SPP2: variants seen among roughly 807,000 people sequenced by gnomAD.
SPP2 encodes the protein secreted phosphoprotein 2.
A neutral mutation model predicts 28.8 loss-of-function variants in SPP2; 34 were observed. The observed-to-expected ratio is 1.18, with a 90% confidence interval of 0.90 to 1.57. The LOEUF (loss-of-function observed/expected upper bound fraction) is 1.57. Ranked by LOEUF, SPP2 falls within the 40% of genes most tolerant of loss-of-function variation. The pLI is 0.00. For synonymous variants in SPP2, 96 were observed against 89.4 expected, an observed-to-expected ratio of 1.07 and a Z score of -0.42; for missense variants, 269 against 263.9, an observed-to-expected ratio of 1.02 and a Z score of -0.13.
intron 6 of SPP2, among the ~76,000 whole-genome samples, chr2:234,069,039 C>A (rs1047268921): frequency 2.0e-5 from 3 of 152,086 alleles, no homozygotes; most frequent in Non-Finnish European, 4.4e-5. Context: ...GGAGCCACTT[C>A]CAAGCCCACT....
At chr2:234,056,332 T>G (rs936247646) in intron 2 of SPP2, 5 of 152,224 alleles carry the variant, frequency 3.3e-5, no homozygotes, top group African/African-American at 7.2e-5. Flanking sequence ...TCATCATCAC[T>G]GGCCATCAGA....
At chr2:234,053,813 T>C (rs1693548830) in intron 2 of SPP2, among the ~76,000 whole-genome samples, 2 of 151,938 alleles carry the variant, frequency 1.3e-5, no homozygotes. Context: ...AAGGTGGGCA[T>C]TGGCCCTATG....
intron 2 of SPP2, among the ~76,000 whole-genome samples, chr2:234,058,348 T>A (rs939146544): frequency 2.0e-5 from 3 of 152,314 alleles, no homozygotes; most frequent in Non-Finnish European, 4.4e-5. Flanking sequence ...GTTTTCAATA[T>A]GAGAGTTGAA....
intron 4 of SPP2, among the ~76,000 whole-genome samples, chr2:234,064,632 A>G (rs950999621): frequency 2.6e-5 from 4 of 152,222 alleles, no homozygotes; most frequent in Admixed American, 6.5e-5. Flanking sequence ...GGTTTCTAGC[A>G]TATTCACAAC....
At chr2:234,060,567 G>A (rs1693699202) in intron 4 of SPP2, 88 bp downstream of exon 4, 1 of 1,041,100 alleles carries the variant, frequency 9.6e-7, no homozygotes, top group Non-Finnish European at 1.4e-6. Flanking sequence ...CTGGGTAGCT[G>A]GATCATCACC....
chr2:234,056,932 T>G (rs912320542), intron 2 of SPP2, among the ~76,000 whole-genome samples: 1 of 152,034 alleles, frequency 6.6e-6, no homozygotes, highest in African/African-American at 2.4e-5. Context: ...GTTCTGCATG[T>G]GCCTATTATT....
In SPP2 at chr2:234,067,229, A is replaced by G; in HGVS notation, c.505A>G (p.Ile169Val). 1 of 1,613,818 alleles carries G rather than the reference A, an allele frequency of 6.2e-7. No homozygotes were observed. The highest frequency in any genetic ancestry group is 2.2e-5 in the East Asian group (1 of 44,862). The change falls in exon 6 of 8, where the codon ATT becomes GTT. Residue 169 changes from isoleucine to valine, a missense_variant. By Grantham distance (29) the Ile-to-Val change is conservative (BLOSUM62 3). Coordinates refer to ENST00000168148, the MANE Select transcript of SPP2 (RefSeq NM_006944.3). ...KWRNNYLFGL[I>V]SDESISEQFY... The stretch of plus-strand genomic sequence containing the variant: ...TGATTATTACTGTGTTACAGGTCTC[A>G]TTTCAGACGAGTCCATAAGTGAACA...
At chr2:234,064,773 C>T (rs1693785835) in intron 4 of SPP2, among the ~76,000 whole-genome samples, 1 of 152,178 alleles carries the variant, frequency 6.6e-6, no homozygotes, top group Non-Finnish European at 1.5e-5. Context: ...ATGGATTTGT[C>T]CATTCTGATC....
At chr2:234,051,224 C>G (rs1359428002) in intron 2 of SPP2, 129 bp downstream of exon 2, 1 of 1,250,644 alleles carries the variant, frequency 8.0e-7, no homozygotes, top group Non-Finnish European at 1.1e-6. Context: ...CTCTTTCATA[C>G]TGTCTCTTTT....
Position 234,077,025 on chromosome 2 carries a change from CA to C in SPP2, c.*195del, listed in dbSNP as rs1289447217. 6.6e-6 allele frequency: 1 copy of C among 152,082 alleles called. No individual in the cohort carries two copies. The highest frequency in any genetic ancestry group is 1.5e-5 in the Non-Finnish European group (1 of 68,014). 9.4% of individuals were successfully genotyped at this position (152,082 alleles called of 1,614,324 possible). A position where few individuals can be genotyped will look rare whatever the true frequency, so the allele number is the denominator to read the frequency against. ...CCTCACACTCCTTTTCTCTTAACAG[CA>C]AAATGCAATGGAAGGAAGAAAAGTT... On this transcript the variant is annotated 3_prime_UTR_variant, in exon 8 of 8. Transcript: ENST00000168148.
chr2:234,053,369 G>A (rs900538461), intron 2 of SPP2, among the ~76,000 whole-genome samples: 1 of 152,150 alleles, frequency 6.6e-6, no homozygotes, highest in Non-Finnish European at 1.5e-5. Flanking sequence ...ATGAGTATTT[G>A]GGGGTACAGT....
intron 5 of SPP2, among the ~76,000 whole-genome samples, chr2:234,066,889 A>C (rs1683970385): frequency 6.6e-6 from 1 of 152,198 alleles, no homozygotes; most frequent in South Asian, 2.1e-4. Flanking sequence ...TCCCCTTAAG[A>C]ATGTCTAGCT....
chr2:234,052,158 C>A (rs1473710142), intron 2 of SPP2, among the ~76,000 whole-genome samples: 1 of 152,060 alleles, frequency 6.6e-6, no homozygotes, highest in Admixed American at 6.6e-5. Flanking sequence ...TTTTAGGTGC[C>A]ATTCCAGAAT....
chr2:234,057,354 G>C (rs909417215), intron 2 of SPP2, among the ~76,000 whole-genome samples: 1 of 152,180 alleles, frequency 6.6e-6, no homozygotes, highest in Non-Finnish European at 1.5e-5. Flanking sequence ...CACAAGAGTC[G>C]GAGTTGTCCC....
intron 4 of SPP2, among the ~76,000 whole-genome samples, chr2:234,063,719 T>G (rs550586618): frequency 1.3e-5 from 2 of 152,290 alleles, no homozygotes; most frequent in East Asian, 3.9e-4. Flanking sequence ...AATGGTACAA[T>G]GTATTACAGT....
chr2:234,060,754 C>T lies in SPP2; in HGVS notation c.444+275C>T, dbSNP rs985679755. Among the ~76,000 whole-genome samples the T allele has an allele frequency of 3.3e-5, 5 of 151,654 alleles. No individual in the cohort carries two copies. The South Asian group carries it at 6.3e-4, about 19-fold the overall frequency. Reference sequence around the variant, plus strand: ...ATATGCACACACACACACGCACACACACACACATGCACACACGCACACATA... The same window carrying T: ...ATATGCACACACACACACGCACACATACACACATGCACACACGCACACATA... On this transcript the variant is annotated intron_variant, in intron 4 of 7. Transcript: ENST00000168148.
At chr2:234,058,528 TATGGAATCCACAAAC>T (rs1693652851) in intron 2 of SPP2, among the ~76,000 whole-genome samples, 1 of 152,160 alleles carries the variant, frequency 6.6e-6, no homozygotes, top group Non-Finnish European at 1.5e-5. Flanking sequence ...AGTTTGCCAA[TATGGAATCCACAAAC>T]AGTGAGGATC....
Position 234,057,862 on chromosome 2 carries a change from A to C in SPP2, c.211-974A>C, listed in dbSNP as rs560196769. Among the ~76,000 whole-genome samples, 155 of 152,362 alleles carry C rather than the reference A, an allele frequency of 1.0e-3. 1 individual carries two copies. The highest frequency in any genetic ancestry group is 3.5e-3 in the African/African-American group (146 of 41,586). On this transcript the variant is annotated intron_variant, in intron 2 of 7. Transcript: ENST00000168148. ...AATTACTTATTTCTGGAATTATTAA[A>C]AAATTATGGAGCAGTCTTTTAGGAA...
chr2:234,057,185 G>A (rs561167578), intron 2 of SPP2, among the ~76,000 whole-genome samples: 5 of 152,190 alleles, frequency 3.3e-5, no homozygotes, highest in East Asian at 1.9e-4. Flanking sequence ...CAGCAGCCAC[G>A]GTGATTCACG....
Sources: gnomAD v4.1 joint callset for allele counts (sites outside exome capture counted in the v4.1 genomes callset) on GRCh38, gnomAD v4.1.1 for gene constraint, MANE v1.5 for transcripts, NCBI Gene and HGNC (gene_info 2026-07-23, HGNC 2026-07-21) for gene names.